The following PLB1 variants were observed in gnomAD, a reference collection of about 807,000 sequenced individuals.
PLB1 encodes phospholipase B1, membrane-associated.
PLB1 carries 242 observed loss-of-function variants against 227.4 expected under a neutral mutation model. The observed-to-expected ratio is 1.06, with a 90% CI of 0.96 to 1.18. PLB1 has a LOEUF of 1.18. Ranked by LOEUF, PLB1 falls within the 50% of genes most tolerant of loss-of-function variation. The pLI is 0.00. For synonymous variants in PLB1, 757 were observed against 682.2 expected (o/e 1.11, Z -1.71); for missense variants, 1,858 against 1,816.3 (o/e 1.02, Z -0.42).
intron 4 of PLB1, among the ~76,000 whole-genome samples, chr2:28,523,336 T>A (rs1417235130): frequency 2.1e-5 from 2 of 96,810 alleles, no homozygotes; most frequent in Non-Finnish European, 4.2e-5. Context: ...ATCTGCGAGG[T>A]TTTTTTTTTT....
At chr2:28,559,230 C>CCACATCT (rs1675642601) in intron 17 of PLB1, among the ~76,000 whole-genome samples, 2 of 152,340 alleles carry the variant, frequency 1.3e-5, no homozygotes, top group South Asian at 4.1e-4. Flanking sequence ...CCAGACTGGA[C>CCACATCT]TGGCAGCATC....
chr2:28,580,368 C>T (rs1223422792), intron 23 of PLB1, among the ~76,000 whole-genome samples: 5 of 152,198 alleles, frequency 3.3e-5, no homozygotes, highest in Non-Finnish European at 7.3e-5. Context: ...TTCATCACAG[C>T]ACAAAGCAGA....
At chr2:28,499,636 A>G (rs1478456073) in intron 1 of PLB1, among the ~76,000 whole-genome samples, 2 of 151,886 alleles carry the variant, frequency 1.3e-5, no homozygotes, top group African/African-American at 4.8e-5. Context: ...CTGTAATCCT[A>G]GCACTTTGGG....
At chr2:28,520,491 C>T (rs1457471857) in intron 4 of PLB1, among the ~76,000 whole-genome samples, 1 of 152,178 alleles carries the variant, frequency 6.6e-6, no homozygotes, top group Non-Finnish European at 1.5e-5. Context: ...AATTTACCAT[C>T]TGTAAGTGTA....
intron 56 of PLB1, among the ~76,000 whole-genome samples, chr2:28,638,983 G>C (rs1031961038): frequency 5.3e-5 from 8 of 151,156 alleles, no homozygotes; most frequent in Admixed American, 5.3e-4. Flanking sequence ...AGAATTGCTT[G>C]AACCCAGAGA....
At chr2:28,611,516 C>T (rs535665012) in intron 43 of PLB1, among the ~76,000 whole-genome samples, 2 of 152,282 alleles carry the variant, frequency 1.3e-5, no homozygotes, top group African/African-American at 2.4e-5. Flanking sequence ...CACTGACTGG[C>T]CATGCCATTC....
At chr2:28,539,284 C>A in intron 11 of PLB1, 106 bp downstream of exon 11, 1 of 1,068,520 alleles carries the variant, frequency 9.4e-7, no homozygotes, top group African/African-American at 1.6e-5. Context: ...CCCTAAAGAA[C>A]AGAGGCCAAA....
At chr2:28,543,699 C>G (rs1317370193) in intron 14 of PLB1, among the ~76,000 whole-genome samples, 1 of 152,182 alleles carries the variant, frequency 6.6e-6, no homozygotes, top group African/African-American at 2.4e-5. Context: ...TGATGAAGGC[C>G]TGGGTTGGAA....
At chr2:28,498,810 C>A (rs1666769414) in intron 1 of PLB1, among the ~76,000 whole-genome samples, 1 of 152,164 alleles carries the variant, frequency 6.6e-6, no homozygotes, top group Non-Finnish European at 1.5e-5. Context: ...ATTTTTGATT[C>A]TTCTTCAGAA....
At chr2:28,611,200 G>A (rs1685410906) in intron 43 of PLB1, among the ~76,000 whole-genome samples, 1 of 152,170 alleles carries the variant, frequency 6.6e-6, no homozygotes, top group Non-Finnish European at 1.5e-5. Flanking sequence ...GCCTCAGTCT[G>A]CAACACATTC....
chr2:28,512,742 G>T (rs567301855), intron 1 of PLB1, among the ~76,000 whole-genome samples: 1 of 151,258 alleles, frequency 6.6e-6, no homozygotes, highest in Admixed American at 6.6e-5. Context: ...AGTCTGCATG[G>T]TTTAGTGGTC....
intron 19 of PLB1, 184 bp from the exon 20 acceptor site, chr2:28,566,612 T>G: frequency 3.3e-6 from 2 of 602,916 alleles, no homozygotes; most frequent in Non-Finnish European, 6.0e-6. Flanking sequence ...TGTGCTGGCC[T>G]ATGGGGAGGG....
chr2:28,615,249 T>C (rs898793455), intron 44 of PLB1, among the ~76,000 whole-genome samples: 3 of 150,000 alleles, frequency 2.0e-5, no homozygotes. Context: ...AGGTGGAGAG[T>C]GGGGGAAATG....
At chr2:28,539,217 CGGCTGTCACGTGTGCGGCCTGTGGG>C (rs1672124126) in intron 11 of PLB1, 39 bp downstream of exon 11, 16 of 1,538,612 alleles carry the variant, frequency 1.0e-5, no homozygotes, top group Non-Finnish European at 9.9e-6. Context: ...ATCTGTGACA[CGGCTGTCACGTGTGCGGCCTGTGGG>C]GGCCCTTCAT....
intron 1 of PLB1, among the ~76,000 whole-genome samples, chr2:28,511,192 A>C (rs1035815008): frequency 2.0e-5 from 3 of 151,992 alleles, no homozygotes; most frequent in Non-Finnish European, 2.9e-5. Context: ...TGTCTTTTAA[A>C]CTCCAAAATA....
intron 39 of PLB1, 67 bp from the exon 40 acceptor site, chr2:28,603,899 G>A (rs1684275150): frequency 6.8e-7 from 1 of 1,466,630 alleles, no homozygotes; most frequent in Non-Finnish European, 9.5e-7. Flanking sequence ...CTGAACCTGG[G>A]CAATCAGAAC....
Position 28,632,151 on chromosome 2 carries a change from G to A in PLB1, c.4002+11G>A. 2 of 1,601,076 alleles carry A rather than the reference G, an allele frequency of 1.2e-6. No individual in the cohort carries two copies. The highest frequency in any genetic ancestry group is 1.7e-6 in the Non-Finnish European group (2 of 1,168,300). Reference sequence around the variant, plus strand: ...ACCCCACTGAACGAGGTGAGCTGCAGGTATTTTAGGGAGGCTCACGTATGG... The same window carrying A: ...ACCCCACTGAACGAGGTGAGCTGCAAGTATTTTAGGGAGGCTCACGTATGG... On this transcript the variant is annotated intron_variant, in intron 55 of 57. Coordinates refer to ENST00000327757, the MANE Select transcript of PLB1 (RefSeq NM_153021.5).
At chr2:28,559,766 T>G (rs2148234052) in intron 17 of PLB1, among the ~76,000 whole-genome samples, 1 of 131,198 alleles carries the variant, frequency 7.6e-6, no homozygotes, top group East Asian at 2.1e-4. Flanking sequence ...TTTTTTTTTT[T>G]TTTGAGACGG....
At chr2:28,597,013 C>T (rs760437056) in intron 33 of PLB1, among the ~76,000 whole-genome samples, 6 of 152,194 alleles carry the variant, frequency 3.9e-5, no homozygotes, top group Non-Finnish European at 8.8e-5. Context: ...CCTGTAATCC[C>T]AGCACTTTGG....
Sources: gnomAD v4.1 joint callset for allele counts (sites outside exome capture counted in the v4.1 genomes callset) on GRCh38, gnomAD v4.1.1 for gene constraint, MANE v1.5 for transcripts, NCBI Gene and HGNC (gene_info 2026-07-23, HGNC 2026-07-21) for gene names.